LRP1B: variants seen among roughly 807,000 people sequenced by gnomAD.
LRP1B encodes the protein low-density lipoprotein receptor-related protein 1B.
A neutral mutation model predicts 556.6 loss-of-function variants in LRP1B; 217 were observed. The ratio of observed to expected loss-of-function variants is 0.39; its 90% CI spans 0.35 to 0.44. The LOEUF (loss-of-function observed/expected upper bound fraction) is 0.44. Among genes scored for constraint, LRP1B ranks in the 20% least tolerant of loss-of-function variants. The pLI is 1.00. For synonymous variants in LRP1B, 2,047 were observed against 1,865.8 expected (o/e 1.10, Z -2.50); for missense variants, 5,053 against 5,620.8 (o/e 0.90, Z 3.23).
chr2:142,102,200 G>A (rs775858084), intron 1 of LRP1B, among the ~76,000 whole-genome samples: 17 of 151,868 alleles, frequency 1.1e-4, no homozygotes, highest in African/African-American at 2.9e-4. Context: ...CTAAAGCAGC[G>A]TCTCAAAACA....
At chr2:141,856,222 C>A (rs1303233856) in intron 1 of LRP1B, among the ~76,000 whole-genome samples, 1 of 152,088 alleles carries the variant, frequency 6.6e-6, no homozygotes, top group Admixed American at 6.6e-5. Flanking sequence ...AAAGTATAAC[C>A]TATCCAAAAA....
At chr2:141,076,355 G>C (rs1363291579) in intron 7 of LRP1B, among the ~76,000 whole-genome samples, 6 of 152,126 alleles carry the variant, frequency 3.9e-5, no homozygotes, top group Non-Finnish European at 8.8e-5. Flanking sequence ...AGGTATGCCA[G>C]CAATTATATA....
At chr2:140,510,730 A>G (rs1315433574) in intron 51 of LRP1B, among the ~76,000 whole-genome samples, 1 of 152,138 alleles carries the variant, frequency 6.6e-6, no homozygotes, top group Non-Finnish European at 1.5e-5. Context: ...ATGCATAATA[A>G]TTGGAATCTA....
chr2:141,679,582 G>A (rs7560557), intron 2 of LRP1B, among the ~76,000 whole-genome samples: 19,459 of 152,084 alleles, frequency 0.13, 1,952 homozygotes, highest in African/African-American at 0.27. Flanking sequence ...GTACCCTCAG[G>A]CTACCAATCC....
chr2:141,275,988 C>A (rs1299918835), intron 3 of LRP1B, among the ~76,000 whole-genome samples: 1 of 151,898 alleles, frequency 6.6e-6, no homozygotes, highest in Non-Finnish European at 1.5e-5. Context: ...AACCAGATGG[C>A]CTCTCTATAA....
chr2:141,921,398 T>C (rs1226007633), intron 1 of LRP1B, among the ~76,000 whole-genome samples: 1 of 152,004 alleles, frequency 6.6e-6, no homozygotes. Context: ...GAGATTCTGA[T>C]TTTCTAAAAT....
rs112949432 is a variant in LRP1B, at chr2:140,575,709, G to A, written c.7194+22922C>T. On this transcript the variant is annotated intron_variant, in intron 43 of 90. Transcript: ENST00000389484. ...GAGGCTGAAGCGGGAGGATCATGAG[G>A]TCAGGAGATCATCAAGACCATCCTG... Among the ~76,000 whole-genome samples the A allele has an allele frequency of 4.3e-3, 647 of 152,062 alleles. 6 individuals carry two copies. The highest frequency in any genetic ancestry group is 0.015 in the African/African-American group (620 of 41,468).
At chr2:141,077,968 ATT>A (rs76152375) in intron 7 of LRP1B, among the ~76,000 whole-genome samples, 14 of 143,024 alleles carry the variant, frequency 9.8e-5, no homozygotes, top group Non-Finnish European at 9.2e-5. Flanking sequence ...TCAGGTAGGA[ATT>A]TTTTTTTTTT....
At chr2:140,839,278 A>T (rs186997147) in intron 31 of LRP1B, among the ~76,000 whole-genome samples, 1 of 152,346 alleles carries the variant, frequency 6.6e-6, no homozygotes, top group African/African-American at 2.4e-5. Flanking sequence ...ATTCAGATAA[A>T]GAATGTTTCC....
intron 77 of LRP1B, among the ~76,000 whole-genome samples, chr2:140,345,692 C>A (rs906456477): frequency 1.3e-4 from 19 of 143,900 alleles, no homozygotes; most frequent in African/African-American, 4.1e-4. Context: ...ATATAAAATT[C>A]ATGTCCTCTC....
At position 141,483,207 on chromosome 2, in the gene LRP1B, G is replaced by A. The variant is rs575615365; in HGVS notation, c.206-2674C>T. Among the ~76,000 whole-genome samples, 6 of 146,702 alleles carry A rather than the reference G, an allele frequency of 4.1e-5. No individual in the cohort carries two copies. In the South Asian group the frequency reaches 1.1e-3, roughly 26 times the overall value. On this transcript the variant is annotated intron_variant, in intron 2 of 90. Coordinates refer to ENST00000389484, the MANE Select transcript of LRP1B (RefSeq NM_018557.3). ...AATTCCCACCTATGAGTGAGAACAT[G>A]CGGTGTTTGGTTTTTTGTCCTTGCG... is the stretch of plus-strand genomic sequence containing the variant.
intron 31 of LRP1B, among the ~76,000 whole-genome samples, chr2:140,833,570 C>T (rs1691791873): frequency 6.6e-6 from 1 of 152,148 alleles, no homozygotes; most frequent in Admixed American, 6.5e-5. Flanking sequence ...CAGATACATG[C>T]TCTAGAAACA....
intron 2 of LRP1B, among the ~76,000 whole-genome samples, chr2:141,638,377 C>T (rs1175473667): frequency 6.6e-6 from 1 of 151,910 alleles, no homozygotes; most frequent in Non-Finnish European, 1.5e-5. Flanking sequence ...AAAACTAAAT[C>T]TCTTTTTTTG....
chr2:141,739,647 G>C (rs938520907), intron 2 of LRP1B, among the ~76,000 whole-genome samples: 2 of 148,822 alleles, frequency 1.3e-5, no homozygotes, highest in African/African-American at 2.5e-5. Context: ...TAGAAAGAAA[G>C]TTGTTAGCAT....
intron 1 of LRP1B, among the ~76,000 whole-genome samples, chr2:141,992,825 C>T (rs888570200): frequency 6.6e-6 from 1 of 152,032 alleles, no homozygotes; most frequent in Non-Finnish European, 1.5e-5. Flanking sequence ...GTGCTCAGGG[C>T]TCCATAGATC....
chr2:140,269,778 T>C (rs1682376555), intron 86 of LRP1B, among the ~76,000 whole-genome samples: 1 of 151,916 alleles, frequency 6.6e-6, no homozygotes, highest in African/African-American at 2.4e-5. Context: ...CAAGTTATTC[T>C]AAAGGAGCCA....
intron 1 of LRP1B, among the ~76,000 whole-genome samples, chr2:141,921,171 T>C (rs1700175437): frequency 6.6e-6 from 1 of 152,056 alleles, no homozygotes; most frequent in East Asian, 1.9e-4. Flanking sequence ...CCTTGTAAGA[T>C]GGTATTTCTT....
chr2:141,341,717 A>G (rs1377168768), intron 3 of LRP1B, among the ~76,000 whole-genome samples: 2 of 152,202 alleles, frequency 1.3e-5, no homozygotes, highest in African/African-American at 2.4e-5. Flanking sequence ...AGGCCTTGCC[A>G]CAAAAACCAT....
At position 140,776,177 on chromosome 2, in the gene LRP1B, G is replaced by A. The variant is rs766962852; in HGVS notation, c.5421C>T (p.Asp1807=). 2.9e-5 allele frequency: 46 copies of A among 1,600,122 alleles called. No individual in the cohort carries two copies. In the East Asian group the frequency reaches 3.9e-4, roughly 14 times the overall value. ...LAQLGTCSKR[D]GRNPTILRNK... Reference sequence around the variant, plus strand: ...TCCGTAGGATGGTGGGGTTTCTTCCGTCTCTTTTGCTGCAGGTTCCTAGCT... The same window carrying A: ...TCCGTAGGATGGTGGGGTTTCTTCCATCTCTTTTGCTGCAGGTTCCTAGCT... Residue 1807 remains aspartate (D), a synonymous_variant, in exon 33 of 91, where the codon GAC becomes GAT. Coordinates refer to ENST00000389484, the MANE Select transcript of LRP1B (RefSeq NM_018557.3).
Sources: allele counts gnomAD v4.1 joint callset (sites outside exome capture counted in the v4.1 genomes callset), GRCh38; gene constraint gnomAD v4.1.1; transcripts MANE v1.5; gene names NCBI Gene and HGNC (gene_info 2026-07-23, HGNC 2026-07-21).